Variants in WDR7 observed in about 807,000 individuals in gnomAD.
The protein encoded by WDR7 is WD repeat-containing protein 7.
WDR7 carries 46 observed loss-of-function variants against 169.4 expected under a neutral mutation model. That is an observed-to-expected ratio of 0.27 (90% CI 0.21 to 0.35). The LOEUF is 0.35. Among genes scored for constraint, WDR7 ranks in the 10% least tolerant of loss-of-function variants. The pLI, the probability that WDR7 is intolerant of heterozygous loss-of-function variation, is 1.00. For missense variants in WDR7, 1,534 were observed against 1,859.3 expected (o/e 0.83, Z 3.22); for synonymous variants, 612 against 666.8 (o/e 0.92, Z 1.27).
intron 19 of WDR7, among the ~76,000 whole-genome samples, chr18:56,808,113 G>A (rs1489175061): frequency 6.6e-6 from 1 of 152,174 alleles, no homozygotes; most frequent in Non-Finnish European, 1.5e-5. Context: ...GATAGAAGTG[G>A]TGTGAAGTGA....
Position 56,944,403 on chromosome 18 carries a change from G to A in WDR7, c.4064+5010G>A, listed in dbSNP as rs952339922. Among the ~76,000 whole-genome samples, 5 of 152,032 alleles carry A rather than the reference G, an allele frequency of 3.3e-5. No homozygotes were observed. In the East Asian group the frequency reaches 9.6e-4, roughly 29 times the overall value. Reference sequence around the variant, plus strand: ...CTTTATTTTGATAGTTATTTATCAGGTTGCAAATTAAAATTTCCATTTTAT... The same window carrying A: ...CTTTATTTTGATAGTTATTTATCAGATTGCAAATTAAAATTTCCATTTTAT... On this transcript the variant is annotated intron_variant, in intron 25 of 27. Coordinates refer to ENST00000254442, the MANE Select transcript of WDR7 (RefSeq NM_015285.3).
chr18:56,824,293 G>A (rs2045157729), intron 20 of WDR7, among the ~76,000 whole-genome samples: 1 of 152,066 alleles, frequency 6.6e-6, no homozygotes, highest in African/African-American at 2.4e-5. Flanking sequence ...ATATCTCCCT[G>A]TTCATTGTAC....
intron 22 of WDR7, among the ~76,000 whole-genome samples, chr18:56,932,117 C>G (rs1018957021): frequency 2.6e-5 from 4 of 152,136 alleles, no homozygotes. Context: ...TTGACCATCT[C>G]TCTACCCTCA....
At chr18:56,974,358 C>CT (rs2047534939) in intron 26 of WDR7, among the ~76,000 whole-genome samples, 2 of 129,760 alleles carry the variant, frequency 1.5e-5, no homozygotes, top group Non-Finnish European at 3.2e-5. Flanking sequence ...CTTTGCTTTT[C>CT]TTGCTTTTTT....
At chr18:56,924,410 T>C (rs1364136046) in intron 22 of WDR7, among the ~76,000 whole-genome samples, 1 of 152,044 alleles carries the variant, frequency 6.6e-6, no homozygotes, top group Non-Finnish European at 1.5e-5. Context: ...ATAAGGAAAA[T>C]GATATATATA....
chr18:56,747,912 CTTTT>C (rs2043730840), intron 14 of WDR7, among the ~76,000 whole-genome samples: 1 of 150,888 alleles, frequency 6.6e-6, no homozygotes, highest in Admixed American at 6.6e-5. Flanking sequence ...TTTTTTTCTT[CTTTT>C]CATTTTCTCA....
intron 26 of WDR7, among the ~76,000 whole-genome samples, chr18:56,964,175 A>G (rs188037997): frequency 1.3e-5 from 2 of 150,814 alleles, no homozygotes; most frequent in Non-Finnish European, 3.0e-5. Context: ...TTTTCTTCCT[A>G]CTAAGTGGTC....
At chr18:57,025,530 G>T (rs1014390505) in intron 27 of WDR7, among the ~76,000 whole-genome samples, 1 of 152,192 alleles carries the variant, frequency 6.6e-6, no homozygotes, top group Non-Finnish European at 1.5e-5. Context: ...AACAGGAACC[G>T]AACTTTAACA....
chr18:56,757,436 TG>T, intron 15 of WDR7, 84 bp downstream of exon 15: 1 of 1,349,250 alleles, frequency 7.4e-7, no homozygotes, highest in Non-Finnish European at 9.9e-7. Context: ...TACTCTTTTT[TG>T]GCTCTACACA....
chr18:56,863,325 G>T (rs996755000), intron 20 of WDR7, among the ~76,000 whole-genome samples: 2 of 151,560 alleles, frequency 1.3e-5, no homozygotes, highest in African/African-American at 4.8e-5. Context: ...TCAAAATTTA[G>T]GAAATATGTT....
intron 20 of WDR7, among the ~76,000 whole-genome samples, chr18:56,834,569 T>A (rs1009159639): frequency 2.0e-5 from 3 of 152,036 alleles, no homozygotes; most frequent in Admixed American, 1.3e-4. Flanking sequence ...TCTCTTCCAT[T>A]TGTATGTACT....
At chr18:56,922,873 G>T (rs893612419) in intron 21 of WDR7, among the ~76,000 whole-genome samples, 4 of 152,142 alleles carry the variant, frequency 2.6e-5, no homozygotes, top group South Asian at 2.1e-4. Context: ...TGGATATGTT[G>T]TATTAAAGTT....
At chr18:56,938,773 C>A in intron 24 of WDR7, 91 bp downstream of exon 24, 2 of 1,466,860 alleles carry the variant, frequency 1.4e-6, no homozygotes, top group Non-Finnish European at 9.3e-7. Flanking sequence ...TTTCCAGCAT[C>A]TCTAAAAGAG....
At chr18:56,848,618 G>C (rs1428885750) in intron 20 of WDR7, among the ~76,000 whole-genome samples, 1 of 152,134 alleles carries the variant, frequency 6.6e-6, no homozygotes, top group Non-Finnish European at 1.5e-5. Flanking sequence ...GGAGGTGCTT[G>C]AGTCATGGGG....
intron 14 of WDR7, among the ~76,000 whole-genome samples, chr18:56,752,384 G>A (rs563899885): frequency 2.6e-5 from 4 of 152,014 alleles, no homozygotes; most frequent in African/African-American, 7.2e-5. Flanking sequence ...CGGGTTTCCC[G>A]GTCACCCGAG....
chr18:56,746,438 G>A (rs1363750705), intron 14 of WDR7, among the ~76,000 whole-genome samples: 1 of 152,146 alleles, frequency 6.6e-6, no homozygotes, highest in Non-Finnish European at 1.5e-5. Flanking sequence ...CATAGCCCAG[G>A]ATTTTAGGTT....
chr18:56,867,996 T>C (rs1436795249), intron 20 of WDR7, among the ~76,000 whole-genome samples: 3 of 152,146 alleles, frequency 2.0e-5, no homozygotes, highest in African/African-American at 7.2e-5. Context: ...ATTATGTATA[T>C]AGAAAAAGGT....
chr18:56,700,252 C>CTTTTTTTTTTTTT (rs1226348026), intron 12 of WDR7, among the ~76,000 whole-genome samples: 5 of 67,236 alleles, frequency 7.4e-5, no homozygotes, highest in East Asian at 4.8e-4. Context: ...TTTTCATTTT[C>CTTTTTTTTTTTTT]TTTTTTTTTT....
intron 26 of WDR7, among the ~76,000 whole-genome samples, chr18:56,975,479 A>T (rs1018975558): frequency 1.3e-5 from 2 of 151,974 alleles, no homozygotes; most frequent in Non-Finnish European, 2.9e-5. Context: ...GGTTAGGAGG[A>T]ATGAGATTCT....
Sources: allele counts gnomAD v4.1 joint callset (sites outside exome capture counted in the v4.1 genomes callset), GRCh38; gene constraint gnomAD v4.1.1; transcripts MANE v1.5; gene names NCBI Gene and HGNC (gene_info 2026-07-23, HGNC 2026-07-21).